The following TCF4 variants were observed in gnomAD, a reference collection of about 807,000 sequenced individuals.
TCF4 encodes SL3-3 enhancer factor 2.
TCF4 carries 3 observed loss-of-function variants against 82.1 expected under a neutral mutation model. The ratio of observed to expected loss-of-function variants is 0.04; its 90% confidence interval spans 0.02 to 0.09. TCF4 has a LOEUF of 0.09. Among genes scored for constraint, TCF4 ranks in the 10% least tolerant of loss-of-function variants. The pLI is 1.00. For synonymous variants in TCF4, 276 were observed against 309.6 expected, an observed-to-expected ratio of 0.89 and a Z score of 1.14; for missense variants, 518 against 852.7, an observed-to-expected ratio of 0.61 and a Z score of 4.89.
At chr18:55,322,005 C>A in intron 8 of TCF4, 2 of 1,197,454 alleles carry the variant, frequency 1.7e-6, no homozygotes, top group Non-Finnish European at 2.1e-6. Context: ...GAGATCGATT[C>A]AACTTTTCCG....
At chr18:55,326,172 G>C (rs770258667) in intron 8 of TCF4, among the ~76,000 whole-genome samples, 1 of 152,098 alleles carries the variant, frequency 6.6e-6, no homozygotes, top group Non-Finnish European at 1.5e-5. Flanking sequence ...TTGAGGGTCA[G>C]ACACATCTTG....
chr18:55,551,863 A>T (rs1049549674), intron 3 of TCF4: 5 of 152,192 alleles, frequency 3.3e-5, no homozygotes, highest in Non-Finnish European at 5.9e-5. Flanking sequence ...AGAGAGAAAA[A>T]CAAACTCCTG....
At chr18:55,527,672 G>A (rs1200239476) in intron 3 of TCF4, among the ~76,000 whole-genome samples, 1 of 152,098 alleles carries the variant, frequency 6.6e-6, no homozygotes, top group Non-Finnish European at 1.5e-5. Flanking sequence ...AATACAGGCT[G>A]AATGAATGAG....
chr18:55,232,535 G>C lies in TCF4; in HGVS notation c.1623C>G (p.Ile541Met). The change falls in exon 17 of 20, where the codon ATC (isoleucine) becomes ATG (methionine). Residue 541 changes from isoleucine to methionine, a missense_variant. Coordinates refer to ENST00000354452, the MANE Select transcript of TCF4 (RefSeq NM_001083962.2). ...TAGATCTTGACCTAGTAATTGATTT[G>C]ATATCCTTCTTGTCGTCATCTAATT... ...DKKLDDDKKD[I>M]KSITRSRSSN... 1 of 1,614,124 alleles carries C rather than the reference G, an allele frequency of 6.2e-7. No individual in the cohort carries two copies.
At chr18:55,510,347 TA>T (rs1416349298) in intron 3 of TCF4, among the ~76,000 whole-genome samples, 1 of 152,274 alleles carries the variant, frequency 6.6e-6, no homozygotes, top group Non-Finnish European at 1.5e-5. Context: ...AGTTAGAGCT[TA>T]AAAAAGCAGA....
At chr18:55,606,271 A>G (rs969725309) in intron 2 of TCF4, among the ~76,000 whole-genome samples, 3 of 152,230 alleles carry the variant, frequency 2.0e-5, no homozygotes, top group Non-Finnish European at 4.4e-5. Flanking sequence ...CTTTGTCTAC[A>G]CATTTGGTCT....
intron 3 of TCF4, among the ~76,000 whole-genome samples, chr18:55,464,681 CA>C (rs1603486328): frequency 1.3e-5 from 2 of 151,692 alleles, no homozygotes; most frequent in African/African-American, 4.8e-5. Context: ...AGGACTGAAA[CA>C]AAACTTTTTT....
intron 8 of TCF4, among the ~76,000 whole-genome samples, chr18:55,298,944 C>T (rs1309734265): frequency 1.3e-5 from 2 of 152,090 alleles, no homozygotes; most frequent in African/African-American, 2.4e-5. Flanking sequence ...TCTCTAGAGT[C>T]GATCAGACAG....
upstream of TCF4, chr18:55,591,031 C>T (rs2097684490): frequency 6.6e-6 from 1 of 152,182 alleles, no homozygotes; most frequent in Non-Finnish European, 1.5e-5. Flanking sequence ...TACCATCTGG[C>T]AGTGGGAACA....
chr18:55,262,701 A>G (rs2058304223), intron 11 of TCF4, among the ~76,000 whole-genome samples: 1 of 152,178 alleles, frequency 6.6e-6, no homozygotes, highest in African/African-American at 2.4e-5. Flanking sequence ...CAGTGGTCCA[A>G]TTCTATGGCT....
intron 8 of TCF4, among the ~76,000 whole-genome samples, chr18:55,323,490 G>A (rs919230078): frequency 2.0e-5 from 3 of 152,086 alleles, no homozygotes; most frequent in South Asian, 2.1e-4. Context: ...CCACACACAC[G>A]TATCGAAGGC....
exon 1 of TCF4, chr18:55,635,740 T>C (rs1309480544): frequency 6.4e-7 from 1 of 1,550,592 alleles, no homozygotes; most frequent in East Asian, 2.4e-5. Flanking sequence ...GTAGCAGTTC[T>C]CAACCCAAGT....
intron 6 of TCF4, among the ~76,000 whole-genome samples, chr18:55,388,392 A>C (rs1482925561): frequency 2.0e-5 from 3 of 152,224 alleles, no homozygotes; most frequent in Admixed American, 2.0e-4. Flanking sequence ...CTGATGGGCA[A>C]TAGATAGCAT....
intron 3 of TCF4, among the ~76,000 whole-genome samples, chr18:55,489,394 A>T (rs1383785222): frequency 1.3e-5 from 2 of 152,146 alleles, no homozygotes; most frequent in Non-Finnish European, 2.9e-5. Context: ...CACGTTGCCT[A>T]CAAGTGCCAC....
intron 3 of TCF4, among the ~76,000 whole-genome samples, chr18:55,547,364 C>T (rs956689660): frequency 6.6e-6 from 1 of 152,152 alleles, no homozygotes; most frequent in Non-Finnish European, 1.5e-5. Context: ...AACTGACAGC[C>T]ATGTTATATT....
chr18:55,479,442 C>T (rs2096373660), intron 3 of TCF4: 1 of 153,118 alleles, frequency 6.5e-6, no homozygotes, highest in East Asian at 1.9e-4. Flanking sequence ...ATGTTTTCAC[C>T]AATCCCCATC....
chr18:55,369,506 A>G (rs2088290736), intron 6 of TCF4, among the ~76,000 whole-genome samples: 1 of 152,158 alleles, frequency 6.6e-6, no homozygotes, highest in African/African-American at 2.4e-5. Context: ...GTTAGAGGCG[A>G]AAGTGGCTGA....
chr18:55,251,211 G>T (rs1313103841), intron 15 of TCF4, among the ~76,000 whole-genome samples: 1 of 152,052 alleles, frequency 6.6e-6, no homozygotes, highest in Non-Finnish European at 1.5e-5. Flanking sequence ...GTAGAAAATG[G>T]AAAGGCAGGG....
At chr18:55,449,866 G>T (rs1398904732) in intron 5 of TCF4, among the ~76,000 whole-genome samples, 1 of 151,846 alleles carries the variant, frequency 6.6e-6, no homozygotes, top group East Asian at 1.9e-4. Context: ...CGAGGGGGTG[G>T]CATTTAATTA....
Sources: allele counts gnomAD v4.1 joint callset (sites outside exome capture counted in the v4.1 genomes callset), GRCh38; gene constraint gnomAD v4.1.1; transcripts MANE v1.5; gene names NCBI Gene and HGNC (gene_info 2026-07-23, HGNC 2026-07-21).